The following FAP variants were observed in gnomAD, a reference collection of about 807,000 sequenced individuals.
FAP encodes the protein prolyl endopeptidase FAP.
FAP carries 110 observed loss-of-function variants against 126.5 expected under a neutral mutation model. The ratio of observed to expected loss-of-function variants is 0.87; its 90% CI spans 0.74 to 1.02. FAP has a LOEUF of 1.02. Ranked by LOEUF, FAP falls within the 50% of genes least tolerant of loss-of-function variation. The pLI is 0.00. For missense variants in FAP, 919 were observed against 909.2 expected (o/e 1.01, Z -0.14); for synonymous variants, 334 against 297.3 (o/e 1.12, Z -1.27).
chr2:162,179,864 A>G lies in FAP; in HGVS notation c.1869+3550T>C, dbSNP rs180940319. Among the ~76,000 whole-genome samples, 346 of 148,622 alleles carry G rather than the reference A, an allele frequency of 2.3e-3. 1 individual carries two copies. The highest frequency in any genetic ancestry group is 3.2e-3 in the Non-Finnish European group (218 of 67,538). On this transcript the variant is annotated intron_variant, in intron 21 of 25. Coordinates refer to ENST00000188790, the MANE Select transcript of FAP (RefSeq NM_004460.5). Reference sequence around the variant, plus strand: ...CGCTCTGTTGCCCAGGCTGGAGTACAATGGTGCAATCTCAGCTTACTGCAA... The same window carrying G: ...CGCTCTGTTGCCCAGGCTGGAGTACGATGGTGCAATCTCAGCTTACTGCAA...
chr2:162,198,255 C>T, intron 16 of FAP: 2 of 1,289,842 alleles, frequency 1.6e-6, no homozygotes, highest in Non-Finnish European at 1.0e-6. Flanking sequence ...AATGATTGAC[C>T]TCCGACGTGG....
intron 16 of FAP, among the ~76,000 whole-genome samples, chr2:162,195,936 T>G (rs1464550351): frequency 6.6e-6 from 1 of 152,140 alleles, no homozygotes; most frequent in Non-Finnish European, 1.5e-5. Flanking sequence ...TGGCTCATGC[T>G]AAGCAGAGGA....
At chr2:162,200,502 A>T in intron 15 of FAP, 64 bp downstream of exon 15, 1 of 877,648 alleles carries the variant, frequency 1.1e-6, no homozygotes, top group Non-Finnish European at 1.9e-6. Flanking sequence ...TCTCCTGGGG[A>T]TGATGACTTT....
At chr2:162,181,783 A>G (rs566134549) in intron 21 of FAP, among the ~76,000 whole-genome samples, 93 of 152,356 alleles carry the variant, frequency 6.1e-4, no homozygotes, top group African/African-American at 2.1e-3. Flanking sequence ...ACCTAGTACA[A>G]GACCTTGTAG....
chr2:162,178,068 CTG>C (rs1687549003), intron 21 of FAP, among the ~76,000 whole-genome samples: 1 of 152,174 alleles, frequency 6.6e-6, no homozygotes, highest in African/African-American at 2.4e-5. Context: ...TTCGGGGAAA[CTG>C]TAAGTTCAGA....
chr2:162,202,867 C>A lies in FAP; in HGVS notation c.1223+5G>T. 1 of 1,611,200 alleles carries A rather than the reference C, an allele frequency of 6.2e-7. No homozygotes were observed. Among genetic ancestry groups the A allele is most frequent in the Non-Finnish European group, 8.5e-7 (1 of 1,177,412 alleles). Reference sequence around the variant, plus strand: ...ATGGTGCATCGTGCTTCGTGCAATACTTACAGTGAATCCTGTGTTACTCTG... The same window carrying A: ...ATGGTGCATCGTGCTTCGTGCAATAATTACAGTGAATCCTGTGTTACTCTG... On this transcript the variant is annotated splice_donor_5th_base_variant and intron_variant, in intron 14 of 25. Coordinates refer to ENST00000188790, the MANE Select transcript of FAP (RefSeq NM_004460.5).
At chr2:162,197,682 G>C in intron 16 of FAP, 1 of 456,306 alleles carries the variant, frequency 2.2e-6, no homozygotes, top group Non-Finnish European at 4.4e-6. Context: ...TGAGGGAAGT[G>C]GCATGTTAGG....
intron 16 of FAP, 118 bp from the exon 17 acceptor site, chr2:162,194,866 G>T: frequency 2.3e-6 from 2 of 867,830 alleles, no homozygotes; most frequent in Non-Finnish European, 1.9e-6. Context: ...TTTTAATTCT[G>T]CAGCTATTTT....
intron 14 of FAP, among the ~76,000 whole-genome samples, chr2:162,201,093 A>T (rs1050637123): frequency 6.6e-6 from 1 of 152,192 alleles, no homozygotes; most frequent in African/African-American, 2.4e-5. Context: ...AGCCAGATGC[A>T]AAAGAAGTCA....
At chr2:162,216,063 A>C (rs1689150359) in intron 9 of FAP, 62 bp from the exon 10 acceptor site, 1 of 1,188,628 alleles carries the variant, frequency 8.4e-7, no homozygotes. Flanking sequence ...CATTTTAAAG[A>C]AACTTTAGGA....
At chr2:162,241,468 T>C (rs1485475728) in intron 2 of FAP, among the ~76,000 whole-genome samples, 2 of 152,232 alleles carry the variant, frequency 1.3e-5, no homozygotes, top group Non-Finnish European at 1.5e-5. Context: ...TAGCTTGAAT[T>C]CCATAGTGAA....
At chr2:162,171,226 A>G in intron 25 of FAP, 146 bp from the exon 26 acceptor site, 3 of 588,856 alleles carry the variant, frequency 5.1e-6, no homozygotes, top group South Asian at 4.3e-5. Context: ...AATAGCTTAC[A>G]TGTAAATATT....
At chr2:162,180,621 C>G (rs1576136471) in intron 21 of FAP, among the ~76,000 whole-genome samples, 3 of 152,180 alleles carry the variant, frequency 2.0e-5, no homozygotes, top group Non-Finnish European at 4.4e-5. Flanking sequence ...ATTGACAGAA[C>G]TTACTAATCA....
chr2:162,243,060 G>T, intron 1 of FAP, 68 bp from the exon 2 acceptor site: 1 of 1,257,610 alleles, frequency 8.0e-7, no homozygotes, highest in Non-Finnish European at 1.1e-6. Context: ...GCAAGATTTT[G>T]TTTACACCTA....
At chr2:162,225,629 A>G (rs748978026) in intron 3 of FAP, 52 bp from the exon 4 acceptor site, 1 of 1,500,008 alleles carries the variant, frequency 6.7e-7, no homozygotes, top group Non-Finnish European at 8.9e-7. Flanking sequence ...AACATGAAAT[A>G]CATTCCTAAC....
intron 21 of FAP, chr2:162,175,348 G>A (rs1687449740): frequency 1.3e-5 from 2 of 152,884 alleles, no homozygotes; most frequent in Non-Finnish European, 2.9e-5. Context: ...GAGATGCACA[G>A]AAAAAAAATT....
At chr2:162,196,888 C>CGAG (rs1688275193) in intron 16 of FAP, among the ~76,000 whole-genome samples, 1 of 152,192 alleles carries the variant, frequency 6.6e-6, no homozygotes, top group East Asian at 1.9e-4. Flanking sequence ...ACCATACTGC[C>CGAG]GAGGAAGAGT....
intron 23 of FAP, 148 bp downstream of exon 23, chr2:162,173,575 C>A (rs1157364918): frequency 6.2e-6 from 4 of 644,580 alleles, no homozygotes; most frequent in East Asian, 2.7e-5. Flanking sequence ...AGGAGTAAAA[C>A]CCTTTCTAGT....
intron 10 of FAP, 107 bp from the exon 11 acceptor site, chr2:162,214,180 C>A: frequency 1.1e-6 from 1 of 928,220 alleles, no homozygotes; most frequent in Non-Finnish European, 1.5e-6. Flanking sequence ...TTATACATTA[C>A]TTATTTAATA....
Sources: allele counts gnomAD v4.1 joint callset (sites outside exome capture counted in the v4.1 genomes callset), GRCh38; gene constraint gnomAD v4.1.1; transcripts MANE v1.5; gene names NCBI Gene and HGNC (gene_info 2026-07-23, HGNC 2026-07-21).